Variants in SAMD12 observed in about 807,000 individuals in gnomAD.
SAMD12 encodes sterile alpha motif domain-containing protein 12.
In SAMD12, 9 loss-of-function variants were observed where a neutral mutation model predicts 15.0. The observed-to-expected ratio is 0.60, with a 90% CI of 0.36 to 1.05. SAMD12 has a LOEUF of 1.05. Among genes scored for constraint, SAMD12 ranks in the 50% least tolerant of loss-of-function variants. The probability of loss-of-function intolerance (pLI) is 0.01; values close to 1 mark genes in which losing one functional copy is unlikely to be tolerated. For missense variants in SAMD12, 230 were observed against 234.2 expected, an observed-to-expected ratio of 0.98 and a Z score of 0.12; for synonymous variants, 86 against 90.1, an observed-to-expected ratio of 0.96 and a Z score of 0.25.
chr8:118,143,550 C>T, the SAMD12 span, among the ~76,000 whole-genome samples: 5 of 152,112 alleles, frequency 3.3e-5, 1 homozygote, highest in Admixed American at 2.6e-4. Context: ...TGCAAGCATG[C>T]CTTTGAAGCC....
At chr8:118,443,322 G>C (rs1326297021) in intron 2 of SAMD12, among the ~76,000 whole-genome samples, 2 of 152,082 alleles carry the variant, frequency 1.3e-5, no homozygotes, top group Admixed American at 1.3e-4. Context: ...AAATTAGCTG[G>C]GCATGGTGGC....
intron 3 of SAMD12, among the ~76,000 whole-genome samples, chr8:118,427,360 TACAATA>T (rs1170870266): frequency 6.6e-6 from 1 of 152,330 alleles, no homozygotes; most frequent in East Asian, 1.9e-4. Context: ...ATAACTTACA[TACAATA>T]AATCCCACAT....
At chr8:118,353,245 T>C (rs900646278) in intron 4 of SAMD12, among the ~76,000 whole-genome samples, 1 of 149,908 alleles carries the variant, frequency 6.7e-6, no homozygotes, top group African/African-American at 2.5e-5. Flanking sequence ...TATATGGTTT[T>C]GTCATAATCT....
downstream of SAMD12, among the ~76,000 whole-genome samples, chr8:118,189,209 T>C (rs187045980): frequency 1.3e-5 from 2 of 152,256 alleles, no homozygotes; most frequent in East Asian, 3.9e-4. Flanking sequence ...GATTTGGTGC[T>C]GGGGGAATTC....
At chr8:118,402,798 A>G (rs1820930732) in intron 3 of SAMD12, among the ~76,000 whole-genome samples, 1 of 152,192 alleles carries the variant, frequency 6.6e-6, no homozygotes, top group Non-Finnish European at 1.5e-5. Flanking sequence ...TTACCCCAAA[A>G]TATTAAGCAT....
intron 2 of SAMD12, among the ~76,000 whole-genome samples, chr8:118,534,020 T>C (rs1470085706): frequency 6.6e-6 from 1 of 152,164 alleles, no homozygotes; most frequent in Admixed American, 6.5e-5. Context: ...GTTAGTTGAT[T>C]CAGTTTCTTC....
intron 4 of SAMD12, among the ~76,000 whole-genome samples, chr8:118,332,028 C>G (rs1020196036): frequency 3.3e-5 from 5 of 152,030 alleles, no homozygotes; most frequent in Admixed American, 6.5e-5. Context: ...TCCAAATCCC[C>G]TAGGTGGGGT....
chr8:118,436,100 T>C (rs1390744193), intron 3 of SAMD12, among the ~76,000 whole-genome samples: 1 of 151,978 alleles, frequency 6.6e-6, no homozygotes, highest in Non-Finnish European at 1.5e-5. Context: ...ACCCAAAATG[T>C]TGTGCTATAG....
At chr8:118,568,736 G>A (rs1826922218) in intron 2 of SAMD12, among the ~76,000 whole-genome samples, 2 of 152,170 alleles carry the variant, frequency 1.3e-5, no homozygotes, top group South Asian at 2.1e-4. Flanking sequence ...GTTATTATTG[G>A]AGAGGAGGAA....
chr8:118,606,734 G>C (rs1165633898), intron 1 of SAMD12, among the ~76,000 whole-genome samples: 1 of 152,096 alleles, frequency 6.6e-6, no homozygotes, highest in Non-Finnish European at 1.5e-5. Flanking sequence ...TTAAAATCAG[G>C]GACAAAAACC....
At chr8:118,564,682 T>G (rs1183476986) in intron 2 of SAMD12, among the ~76,000 whole-genome samples, 1 of 152,234 alleles carries the variant, frequency 6.6e-6, no homozygotes, top group African/African-American at 2.4e-5. Context: ...CCTAAGAGTA[T>G]GCAGCATTGC....
At chr8:118,269,042 T>G (rs1006820157) in intron 4 of SAMD12, among the ~76,000 whole-genome samples, 1 of 152,120 alleles carries the variant, frequency 6.6e-6, no homozygotes, top group African/African-American at 2.4e-5. Flanking sequence ...TTTCTCAAAC[T>G]TTCCAATAAT....
At chr8:118,296,066 C>A (rs1307760892) in intron 4 of SAMD12, among the ~76,000 whole-genome samples, 1 of 152,126 alleles carries the variant, frequency 6.6e-6, no homozygotes, top group Non-Finnish European at 1.5e-5. Context: ...AGTAAAATGA[C>A]CGTAACTGAG....
intron 4 of SAMD12, among the ~76,000 whole-genome samples, chr8:118,347,789 T>C (rs1017030753): frequency 6.6e-6 from 1 of 152,208 alleles, no homozygotes; most frequent in Non-Finnish European, 1.5e-5. Context: ...ACACTAGTAA[T>C]AATAACTAGC....
At chr8:118,240,088 C>A (rs933484454) in intron 4 of SAMD12, 1 of 152,150 alleles carries the variant, frequency 6.6e-6, no homozygotes, top group East Asian at 1.9e-4. Context: ...CATTAAAATC[C>A]CTGTAGGGTA....
rs4053452 is a variant in SAMD12, at chr8:118,321,144, A to AATATATATATATATATATAT, written c.433+58396_433+58415dup. ...TATAACATATATATCATAGATAATA[A>AATATATATATATATATATAT]ATATATATATATATATATATATATA... On this transcript the variant is annotated intron_variant, in intron 4 of 4. Coordinates refer to the SAMD12 transcript ENST00000409003. Among the ~76,000 whole-genome samples the AATATATATATATATATATAT allele has an allele frequency of 8.0e-4, 76 of 94,464 alleles. 1 individual carries two copies. Among genetic ancestry groups the AATATATATATATATATATAT allele is most frequent in the Non-Finnish European group, 1.1e-3 (52 of 49,220 alleles). 62.0% of individuals were successfully genotyped at this position (94,464 alleles called of 152,430 possible).
intron 2 of SAMD12, among the ~76,000 whole-genome samples, chr8:118,578,346 T>C (rs1216901126): frequency 1.3e-5 from 2 of 152,182 alleles, no homozygotes; most frequent in Non-Finnish European, 1.5e-5. Flanking sequence ...TGAATGATTA[T>C]TTCCTTAGGT....
chr8:118,134,430 G>C, the SAMD12 span, among the ~76,000 whole-genome samples: 4 of 152,212 alleles, frequency 2.6e-5, no homozygotes, highest in East Asian at 7.7e-4. Flanking sequence ...ATCCCAAATA[G>C]TTTATAGGAG....
chr8:118,374,667 G>A (rs1819286700), downstream of SAMD12, among the ~76,000 whole-genome samples: 1 of 151,986 alleles, frequency 6.6e-6, no homozygotes. Context: ...TTTTGGTAGT[G>A]GCCATTCTAA....
Sources: allele counts gnomAD v4.1 joint callset (sites outside exome capture counted in the v4.1 genomes callset), GRCh38; gene constraint gnomAD v4.1.1; transcripts MANE v1.5; gene names NCBI Gene and HGNC (gene_info 2026-07-23, HGNC 2026-07-21).